TMLHE: variants seen among roughly 807,000 people sequenced by gnomAD.
The protein encoded by TMLHE is trimethyllysine hydroxylase, epsilon.
TMLHE carries 18 observed loss-of-function variants against 25.7 expected under a neutral mutation model. The observed-to-expected ratio is 0.70, with a 90% CI of 0.48 to 1.04. The LOEUF (loss-of-function observed/expected upper bound fraction) is 1.04, where lower values mean the gene tolerates loss of function less well. TMLHE is among the 50% of genes least tolerant of loss of function. TMLHE has a pLI of 0.00. For missense variants in TMLHE, 236 were observed against 259.0 expected (o/e 0.91, Z 0.61); for synonymous variants, 105 against 97.0 (o/e 1.08, Z -0.49).
At chrX:155,570,913 A>T (rs1356491878) in intron 1 of TMLHE, among the ~76,000 whole-genome samples, 1 of 57,203 alleles carries the variant, frequency 1.7e-5, no homozygotes, top group African/African-American at 4.2e-5. Flanking sequence ...TAACATCACA[A>T]TTAAAAGAAC....
chrX:155,518,309 T>C (rs1273644691), intron 3 of TMLHE, among the ~76,000 whole-genome samples: 1 of 89,906 alleles, frequency 1.1e-5, no homozygotes, highest in Non-Finnish European at 2.2e-5. Flanking sequence ...TCTGTTTATA[T>C]GCTGGATTAC....
At chrX:155,549,829 A>T (rs1557339773) in intron 1 of TMLHE, among the ~76,000 whole-genome samples, 1 of 108,204 alleles carries the variant, frequency 9.2e-6, no homozygotes, top group African/African-American at 3.4e-5. Flanking sequence ...GCACCCATAA[A>T]CCCGTCACCT....
intron 1 of TMLHE, among the ~76,000 whole-genome samples, chrX:155,591,181 A>C (rs1327229145): frequency 1.8e-5 from 2 of 111,841 alleles, no homozygotes; most frequent in Non-Finnish European, 3.8e-5. Flanking sequence ...GCCCCATGGT[A>C]CATGAAGAAG....
At chrX:155,581,466 T>C (rs1258527095) in intron 1 of TMLHE, among the ~76,000 whole-genome samples, 1 of 111,980 alleles carries the variant, frequency 8.9e-6, no homozygotes, top group Non-Finnish European at 1.9e-5. Context: ...ATAAGCAACT[T>C]CAGCAAAGTC....
intron 5 of TMLHE, among the ~76,000 whole-genome samples, chrX:155,508,451 T>C (rs2067088588): frequency 9.0e-6 from 1 of 110,839 alleles, no homozygotes; most frequent in Non-Finnish European, 1.9e-5. Flanking sequence ...CAGTTAAAGA[T>C]GTTTAAGGAA....
At chrX:155,515,235 AT>A (rs2067144235) in intron 3 of TMLHE, among the ~76,000 whole-genome samples, 1 of 110,682 alleles carries the variant, frequency 9.0e-6, no homozygotes, top group African/African-American at 3.3e-5. Flanking sequence ...ATTTATATAT[AT>A]AAAATTTGGG....
intron 2 of TMLHE, among the ~76,000 whole-genome samples, chrX:155,540,624 T>C (rs1371716358): frequency 9.0e-6 from 1 of 111,368 alleles, no homozygotes; most frequent in Non-Finnish European, 1.9e-5. Flanking sequence ...AGGTTTATTG[T>C]GTAGAATTGT....
At chrX:155,522,562 C>T (rs1429509786) in intron 3 of TMLHE, among the ~76,000 whole-genome samples, 2 of 112,110 alleles carry the variant, frequency 1.8e-5, no homozygotes, top group East Asian at 2.8e-4. Flanking sequence ...CTCCTACCCC[C>T]GAATCCCTAA....
chrX:155,541,572 T>G (rs896765330), intron 2 of TMLHE, among the ~76,000 whole-genome samples: 1 of 111,648 alleles, frequency 9.0e-6, no homozygotes, highest in Non-Finnish European at 1.9e-5. Flanking sequence ...GTAATGAGAT[T>G]GCTGAGTCAA....
intron 1 of TMLHE, among the ~76,000 whole-genome samples, chrX:155,552,202 C>A (rs782338493): frequency 9.1e-6 from 1 of 110,434 alleles, no homozygotes; most frequent in African/African-American, 3.4e-5. Flanking sequence ...TTTCCTTTCT[C>A]ATATTTTCCT....
chrX:155,540,875 A>T (rs782717398), intron 2 of TMLHE, among the ~76,000 whole-genome samples: 9 of 111,061 alleles, frequency 8.1e-5, no homozygotes, highest in Non-Finnish European at 1.7e-4. Flanking sequence ...ACATGATCTT[A>T]TATGTAGAAA....
rs782261548 is a variant in TMLHE, at chrX:155,548,624, A to G, written c.-1-3347T>C. On this transcript the variant is annotated intron_variant, in intron 1 of 7. Transcript: ENST00000334398. ...GTGGCACACACCTGTATTCCCAGCT[A>G]CTCAGGAGGCTGAGGCAGGAGAATC... Among the ~76,000 whole-genome samples the G allele has an allele frequency of 2.8e-5, 3 of 108,278 alleles. 1 individual carries two copies. The highest frequency in any genetic ancestry group is 8.2e-4 in the South Asian group (2 of 2,435). 94.0% of individuals were successfully genotyped at this position (108,278 alleles called of 115,157 possible).
chrX:155,569,246 T>C (rs1415002404), intron 1 of TMLHE, among the ~76,000 whole-genome samples: 2 of 56,006 alleles, frequency 3.6e-5, no homozygotes, highest in African/African-American at 8.6e-5. Context: ...TGATAGAAGA[T>C]GAAATGAATG....
intron 1 of TMLHE, among the ~76,000 whole-genome samples, chrX:155,577,948 T>C (rs914001826): frequency 9.0e-6 from 1 of 111,376 alleles, no homozygotes; most frequent in Non-Finnish European, 1.9e-5. Context: ...CTCCCACTGA[T>C]AGTGGTCCCA....
At chrX:155,601,691 T>C (rs782101501) in intron 1 of TMLHE, among the ~76,000 whole-genome samples, 1 of 111,643 alleles carries the variant, frequency 9.0e-6, no homozygotes, top group East Asian at 2.8e-4. Flanking sequence ...GATGTACATC[T>C]ATAAGTATAA....
intron 1 of TMLHE, among the ~76,000 whole-genome samples, chrX:155,576,557 G>A (rs1315331687): frequency 7.2e-5 from 8 of 111,615 alleles, no homozygotes; most frequent in African/African-American, 9.8e-5. Context: ...CAAAACAATC[G>A]TAAGGAAAAA....
chrX:155,582,523 A>G (rs1277014986), intron 1 of TMLHE, among the ~76,000 whole-genome samples: 2 of 112,407 alleles, frequency 1.8e-5, no homozygotes, highest in African/African-American at 6.5e-5. Context: ...AGATATGAAG[A>G]CACTTCTCAA....
intron 1 of TMLHE, among the ~76,000 whole-genome samples, chrX:155,601,361 T>C (rs1343212900): frequency 1.8e-5 from 2 of 112,354 alleles, no homozygotes; most frequent in East Asian, 5.5e-4. Flanking sequence ...ACAGTATTTT[T>C]AAAACTGTGT....
At chrX:155,574,639 C>T (rs1557343619) in intron 1 of TMLHE, among the ~76,000 whole-genome samples, 4 of 111,296 alleles carry the variant, frequency 3.6e-5, no homozygotes, top group African/African-American at 1.3e-4. Context: ...AGATGTTGCA[C>T]GCAACAGACA....
Sources: gnomAD v4.1 joint callset for allele counts (sites outside exome capture counted in the v4.1 genomes callset) on GRCh38, gnomAD v4.1.1 for gene constraint, MANE v1.5 for transcripts, NCBI Gene and HGNC (gene_info 2026-07-23, HGNC 2026-07-21) for gene names.